Variants in SLC16A7 observed in about 807,000 individuals in gnomAD.
The protein encoded by SLC16A7 is monocarboxylate transporter 2.
SLC16A7 carries 33 observed loss-of-function variants against 34.9 expected under a neutral mutation model. That is an observed-to-expected ratio of 0.94 (90% confidence interval 0.72 to 1.26). The LOEUF is 1.26. SLC16A7 is among the 50% of genes most tolerant of loss of function. The pLI is 0.00. For missense variants in SLC16A7, 573 were observed against 578.1 expected (o/e 0.99, Z 0.09); for synonymous variants, 201 against 206.6 (o/e 0.97, Z 0.23).
intron 2 of SLC16A7, among the ~76,000 whole-genome samples, chr12:59,695,344 G>C (rs538133207): frequency 1.3e-5 from 2 of 151,830 alleles, no homozygotes; most frequent in Non-Finnish European, 2.9e-5. Flanking sequence ...TGCTGTTCTC[G>C]AATTACCCAG....
chr12:59,602,892 C>T (rs1047702360), intron 1 of SLC16A7, among the ~76,000 whole-genome samples: 2 of 152,122 alleles, frequency 1.3e-5, no homozygotes, highest in Non-Finnish European at 2.9e-5. Flanking sequence ...GTAGTCCTGA[C>T]CTTCCCTCAA....
At chr12:59,676,094 A>G (rs1186891537) in intron 2 of SLC16A7, among the ~76,000 whole-genome samples, 1 of 152,158 alleles carries the variant, frequency 6.6e-6, no homozygotes, top group East Asian at 1.9e-4. Context: ...TGGGTAAAAT[A>G]TGACTTATGG....
At chr12:59,748,941 G>T (rs796715848) in intron 3 of SLC16A7, among the ~76,000 whole-genome samples, 2 of 152,278 alleles carry the variant, frequency 1.3e-5, no homozygotes, top group African/African-American at 4.8e-5. Flanking sequence ...TTTAAGTAGA[G>T]ATTTGGCTTT....
chr12:59,617,434 CTATT>C (rs1879503942), intron 1 of SLC16A7, among the ~76,000 whole-genome samples: 1 of 151,878 alleles, frequency 6.6e-6, no homozygotes, highest in East Asian at 1.9e-4. Flanking sequence ...TTATGGAAGA[CTATT>C]TAGGAAACAT....
chr12:59,757,080 G>A (rs975410695), intron 3 of SLC16A7, among the ~76,000 whole-genome samples: 1 of 135,140 alleles, frequency 7.4e-6, no homozygotes, highest in Non-Finnish European at 1.5e-5. Flanking sequence ...CACAGGAAGG[G>A]GAACATCACA....
rs199876753 is a variant in SLC16A7 at position 59,774,810 on chromosome 12, T to A, written c.515T>A (p.Phe172Tyr). The A allele has an allele frequency of 4.4e-4, 704 of 1,613,952 alleles. 11 individuals carry two copies. In the East Asian group the frequency reaches 0.016, roughly 36 times the overall value. ...APFNQYLFNT[F>Y]GWKGSFLILG... Reference sequence around the variant, plus strand: ...TTCAATCAGTACCTTTTTAATACTTTTGGCTGGAAAGGAAGCTTCCTGATT... The same window carrying A: ...TTCAATCAGTACCTTTTTAATACTTATGGCTGGAAAGGAAGCTTCCTGATT... The change falls in exon 5 of 6, where the codon TTT (phenylalanine) becomes TAT (tyrosine). Residue 172 changes from phenylalanine to tyrosine, a missense_variant. By Grantham distance (22) the Phe-to-Tyr change is conservative. Coordinates refer to ENST00000547379, the MANE Select transcript of SLC16A7 (RefSeq NM_001270623.2).
At chr12:59,697,286 T>C (rs1872409818) in intron 2 of SLC16A7, among the ~76,000 whole-genome samples, 1 of 152,034 alleles carries the variant, frequency 6.6e-6, no homozygotes, top group South Asian at 2.1e-4. Context: ...TCACTTATTG[T>C]CATTCAGAAC....
intron 3 of SLC16A7, among the ~76,000 whole-genome samples, chr12:59,727,068 C>T (rs895714282): frequency 6.6e-6 from 1 of 151,344 alleles, no homozygotes; most frequent in African/African-American, 2.4e-5. Context: ...TATCCAAACA[C>T]TGACTGGTGT....
intron 2 of SLC16A7, among the ~76,000 whole-genome samples, chr12:59,700,831 ACT>A (rs1221916826): frequency 6.6e-6 from 1 of 151,684 alleles, no homozygotes; most frequent in Non-Finnish European, 1.5e-5. Flanking sequence ...TTTTAGAGAA[ACT>A]CTGGAGGATT....
chr12:59,700,993 C>T (rs140462916), intron 2 of SLC16A7, among the ~76,000 whole-genome samples: 2 of 151,608 alleles, frequency 1.3e-5, no homozygotes, highest in East Asian at 3.9e-4. Flanking sequence ...AAGATGAGAT[C>T]GTCATGCAAA....
At chr12:59,706,122 C>T (rs914352162) in intron 3 of SLC16A7, among the ~76,000 whole-genome samples, 1 of 152,102 alleles carries the variant, frequency 6.6e-6, no homozygotes, top group Non-Finnish European at 1.5e-5. Context: ...ACTGTAACTC[C>T]TAGCATTTAA....
At chr12:59,771,763 C>T (rs1882256842) in intron 4 of SLC16A7, among the ~76,000 whole-genome samples, 1 of 152,114 alleles carries the variant, frequency 6.6e-6, no homozygotes, top group African/African-American at 2.4e-5. Flanking sequence ...ACTTTCCACT[C>T]ATAATATGTT....
At chr12:59,727,890 A>G (rs1876476623) in intron 3 of SLC16A7, among the ~76,000 whole-genome samples, 1 of 152,192 alleles carries the variant, frequency 6.6e-6, no homozygotes, top group Non-Finnish European at 1.5e-5. Flanking sequence ...ATGACAAAAA[A>G]GAGAGAGACA....
rs540380162 is a variant in SLC16A7, at chr12:59,610,171, G to A, written c.-130+13935G>A. On this transcript the variant is annotated intron_variant, in intron 1 of 5. Transcript: ENST00000547379. ...TATAGAAGAGAGAAATTACAGGGCA[G>A]CAAGAGAAATATTTAGGATTCTGTT... Among the ~76,000 whole-genome samples the A allele has an allele frequency of 2.0e-5, 3 of 152,286 alleles. No individual in the cohort carries two copies. The East Asian group carries it at 5.8e-4, about 29-fold the overall frequency.
chr12:59,686,990 T>G (rs1184866646), intron 2 of SLC16A7, among the ~76,000 whole-genome samples: 1 of 152,066 alleles, frequency 6.6e-6, no homozygotes, highest in Non-Finnish European at 1.5e-5. Context: ...TTAAATACCT[T>G]GATGTAGTCA....
chr12:59,679,360 G>T (rs925277196), intron 2 of SLC16A7, among the ~76,000 whole-genome samples: 2 of 152,152 alleles, frequency 1.3e-5, no homozygotes, highest in Non-Finnish European at 2.9e-5. Flanking sequence ...CTGGCATCAT[G>T]TCAGTGGCCA....
chr12:59,697,710 CTG>C (rs1308724109), intron 2 of SLC16A7, among the ~76,000 whole-genome samples: 3 of 149,684 alleles, frequency 2.0e-5, no homozygotes, highest in African/African-American at 7.4e-5. Flanking sequence ...CTAGAAAAGA[CTG>C]TTAAAAAAAA....
At chr12:59,746,101 C>T (rs1030520513) in intron 3 of SLC16A7, among the ~76,000 whole-genome samples, 20 of 152,218 alleles carry the variant, frequency 1.3e-4, no homozygotes, top group African/African-American at 4.8e-4. Flanking sequence ...CTCTTGGTTA[C>T]TTCTTTGTGT....
At chr12:59,625,754 A>G (rs1879898196) in intron 1 of SLC16A7, among the ~76,000 whole-genome samples, 2 of 151,816 alleles carry the variant, frequency 1.3e-5, no homozygotes, top group Admixed American at 1.3e-4. Flanking sequence ...CGTGTGGTAT[A>G]AGCATGTCTA....
Sources: allele counts gnomAD v4.1 joint callset (sites outside exome capture counted in the v4.1 genomes callset), GRCh38; gene constraint gnomAD v4.1.1; transcripts MANE v1.5; gene names NCBI Gene and HGNC (gene_info 2026-07-23, HGNC 2026-07-21).